Variants in ADAMTSL1 observed in about 807,000 individuals in gnomAD.
ADAMTSL1 encodes the protein ADAMTS-like protein 1.
In ADAMTSL1, 126 loss-of-function variants were observed where a neutral mutation model predicts 201.8. The ratio of observed to expected loss-of-function variants is 0.62; its 90% CI spans 0.54 to 0.72. The LOEUF (loss-of-function observed/expected upper bound fraction) is 0.72, where lower values mean the gene tolerates loss of function less well. Among genes scored for constraint, ADAMTSL1 ranks in the 30% least tolerant of loss-of-function variants. ADAMTSL1 has a pLI of 0.00. For synonymous variants in ADAMTSL1, 1,121 were observed against 903.4 expected (o/e 1.24, Z -4.32); for missense variants, 2,679 against 2,277.8 (o/e 1.18, Z -3.59).
intron 2 of ADAMTSL1, among the ~76,000 whole-genome samples, chr9:18,525,791 G>A (rs1399790098): frequency 1.3e-5 from 2 of 152,194 alleles, no homozygotes; most frequent in Admixed American, 1.3e-4. Flanking sequence ...TAGTTTGATA[G>A]CACTGTGGTC....
Position 18,524,415 on chromosome 9 carries a change from A to G in ADAMTSL1, c.192-8832A>G, listed in dbSNP as rs573631413. ...GGACAATTTGACTTCCTCTTTTCCT[A>G]ATTGAATACCCTTTATTTCTTTCTC... On this transcript the variant is annotated intron_variant, in intron 2 of 28. Transcript: ENST00000380548. Among the ~76,000 whole-genome samples, 580 of 152,222 alleles carry G rather than the reference A, an allele frequency of 3.8e-3. 2 individuals carry two copies. Among genetic ancestry groups the G allele is most frequent in the Middle Eastern group, 6.8e-3 (2 of 294 alleles).
chr9:18,243,927 C>T (rs970655933), intron 2 of ADAMTSL1, among the ~76,000 whole-genome samples: 6 of 152,050 alleles, frequency 3.9e-5, no homozygotes, highest in South Asian at 2.1e-4. Flanking sequence ...GTCAAGTGGT[C>T]ATGAATGCTT....
chr9:18,021,938 A>G (rs1216865819), intron 1 of ADAMTSL1, among the ~76,000 whole-genome samples: 1 of 152,150 alleles, frequency 6.6e-6, no homozygotes, highest in African/African-American at 2.4e-5. Flanking sequence ...GATGTTTCTA[A>G]AGAATGTTCA....
intron 15 of ADAMTSL1, among the ~76,000 whole-genome samples, chr9:18,737,711 A>C (rs1818595526): frequency 6.6e-6 from 1 of 152,238 alleles, no homozygotes; most frequent in African/African-American, 2.4e-5. Flanking sequence ...TAATTCAGTT[A>C]AATTCTCCCA....
intron 2 of ADAMTSL1, among the ~76,000 whole-genome samples, chr9:18,328,875 A>G (rs528961990): frequency 1.6e-4 from 25 of 152,270 alleles, no homozygotes; most frequent in African/African-American, 6.0e-4. Flanking sequence ...TCCCCAAACC[A>G]TGGATGTCCT....
chr9:18,901,439 A>G (rs936054350), intron 26 of ADAMTSL1, among the ~76,000 whole-genome samples: 1 of 152,236 alleles, frequency 6.6e-6, no homozygotes, highest in Non-Finnish European at 1.5e-5. Context: ...TTTATTTTCT[A>G]TAGGATTTCA....
chr9:18,259,170 C>A (rs1587414567), intron 2 of ADAMTSL1, among the ~76,000 whole-genome samples: 1 of 152,146 alleles, frequency 6.6e-6, no homozygotes. Flanking sequence ...GGGCTTAAAA[C>A]ACCATCCATG....
chr9:18,718,299 C>T (rs1427751353), intron 14 of ADAMTSL1: 2 of 748,692 alleles, frequency 2.7e-6, no homozygotes, highest in Non-Finnish European at 5.0e-6. Flanking sequence ...TAATGCAAAG[C>T]CTTGTCCATT....
chr9:18,616,486 T>G (rs985945774), intron 4 of ADAMTSL1, among the ~76,000 whole-genome samples: 2 of 152,232 alleles, frequency 1.3e-5, no homozygotes, highest in Non-Finnish European at 2.9e-5. Context: ...GTATCTATTA[T>G]TTTGGTACTT....
At chr9:18,659,456 C>T (rs1465461657) in intron 8 of ADAMTSL1, among the ~76,000 whole-genome samples, 1 of 152,212 alleles carries the variant, frequency 6.6e-6, no homozygotes, top group Non-Finnish European at 1.5e-5. Flanking sequence ...GTTGTTCCAT[C>T]TGTCATGGAT....
intron 2 of ADAMTSL1, among the ~76,000 whole-genome samples, chr9:18,215,846 C>G (rs542667172): frequency 9.2e-5 from 14 of 152,262 alleles, no homozygotes; most frequent in African/African-American, 3.1e-4. Context: ...TCATGTGAGA[C>G]AGCTGCTACA....
At chr9:18,610,662 G>A (rs564081494) in intron 4 of ADAMTSL1, among the ~76,000 whole-genome samples, 1 of 152,286 alleles carries the variant, frequency 6.6e-6, no homozygotes, top group African/African-American at 2.4e-5. Flanking sequence ...AACCAGGTAA[G>A]AGCCAAAGAA....
chr9:18,194,923 T>A (rs1430790433), intron 2 of ADAMTSL1, among the ~76,000 whole-genome samples: 1 of 152,078 alleles, frequency 6.6e-6, no homozygotes, highest in South Asian at 2.1e-4. Flanking sequence ...ACAAGATACA[T>A]CTTTTCAGAA....
At chr9:18,310,115 A>G (rs1834063026) in intron 2 of ADAMTSL1, among the ~76,000 whole-genome samples, 1 of 151,962 alleles carries the variant, frequency 6.6e-6, no homozygotes, top group African/African-American at 2.4e-5. Context: ...CAATGGTGTT[A>G]GGAAAACTGG....
chr9:18,366,627 A>ATTTTTTTTTTTT lies in ADAMTSL1; in HGVS notation c.208-138173_208-138162dup. On this transcript the variant is annotated intron_variant, in intron 2 of 29. Transcript: ENST00000680146. ...ATGGATAGTGCCTCTGAAATCACTAATTTTTTTTTTTTTTTTTTTTTTTTT... is the reference window on the plus strand; with the variant it reads ...ATGGATAGTGCCTCTGAAATCACTAATTTTTTTTTTTTTTTTTTTTTTTTTTTTTTTTTTTTT... 1.8e-5 allele frequency among the ~76,000 whole-genome samples: 2 copies of ATTTTTTTTTTTT among 112,800 alleles called. 1 individual carries two copies. The allele number at this position is 112,800 out of a possible 152,430, so 74.0% of individuals were successfully genotyped here.
chr9:18,406,339 C>CTTTTCTTTTCTTTTCTTT (rs1818204785), intron 2 of ADAMTSL1, among the ~76,000 whole-genome samples: 2 of 143,708 alleles, frequency 1.4e-5, no homozygotes, highest in Non-Finnish European at 3.1e-5. Flanking sequence ...CTTTTCTTTT[C>CTTTTCTTTTCTTTTCTTT]TTTTTTTGAC....
At chr9:18,127,087 G>T (rs540497528) in intron 1 of ADAMTSL1, among the ~76,000 whole-genome samples, 33 of 152,228 alleles carry the variant, frequency 2.2e-4, no homozygotes, top group African/African-American at 7.2e-4. Flanking sequence ...TGTGTAACTG[G>T]GAGCTCATTG....
chr9:18,171,965 G>A (rs1202524649), intron 2 of ADAMTSL1, among the ~76,000 whole-genome samples: 8 of 151,752 alleles, frequency 5.3e-5, no homozygotes, highest in Admixed American at 1.3e-4. Context: ...GTTTTTTCAC[G>A]TTTGCCAAAG....
At position 18,246,164 on chromosome 9, in the gene ADAMTSL1, T is replaced by C. The variant is rs888915959; in HGVS notation, c.207+82183T>C. On this transcript the variant is annotated intron_variant, in intron 2 of 29. Transcript: ENST00000680146. ...TGTCATCCTCGAGCCATCTGGTGTA[T>C]ATTTAGAGTAATGTAATTTCTTCTC... Among the ~76,000 whole-genome samples, 11 of 152,164 alleles carry C rather than the reference T, an allele frequency of 7.2e-5. 1 individual carries two copies. The highest frequency in any genetic ancestry group is 2.7e-4 in the African/African-American group (11 of 41,444).
Sources: gnomAD v4.1 joint callset for allele counts (sites outside exome capture counted in the v4.1 genomes callset) on GRCh38, gnomAD v4.1.1 for gene constraint, MANE v1.5 for transcripts, NCBI Gene and HGNC (gene_info 2026-07-23, HGNC 2026-07-21) for gene names.